Variants in INPP5E observed in about 807,000 individuals in gnomAD.
INPP5E encodes inositol polyphosphate-5-phosphatase E, also known as phosphatidylinositol polyphosphate 5-phosphatase type IV.
Under a neutral mutation model 50.5 loss-of-function variants are expected in INPP5E, and 34 were observed. The ratio of observed to expected loss-of-function variants is 0.67; its 90% confidence interval spans 0.51 to 0.90. The LOEUF is 0.90. Among genes scored for constraint, INPP5E ranks in the 40% least tolerant of loss-of-function variants. INPP5E has a pLI of 0.00. For synonymous variants in INPP5E, 447 were observed against 406.0 expected (o/e 1.10, Z -1.21); for missense variants, 942 against 905.5 (o/e 1.04, Z -0.52).
In INPP5E at chr9:136,431,842, T is replaced by G. The variant is rs1039047946; in HGVS notation, c.1531A>C (p.Ile511Leu). The stretch of plus-strand genomic sequence containing the variant: ...CCCTCACCTTTCCGCATCTCCCGGA[T>G]GAGCTGGTCGTGCTGCAGCAGCGCC... ...VPALLQHDQL[I>L]REMRKGSIFK... Residue 511 changes from isoleucine (I) to leucine (L), a missense_variant, in exon 7 of 10, where the codon ATC (isoleucine) becomes CTC (leucine). Transcript: ENST00000371712. 3 of 1,600,550 alleles carry G rather than the reference T, an allele frequency of 1.9e-6. No homozygotes were observed. In the African/African-American group the frequency reaches 4.2e-5, roughly 22 times the overall value.
At chr9:136,429,940 C>G (rs931297186) in intron 9 of INPP5E, 133 bp from the exon 10 acceptor site, 9 of 746,856 alleles carry the variant, frequency 1.2e-5, no homozygotes, top group Non-Finnish European at 1.8e-5. Context: ...TAGGTGGGCA[C>G]TGGCCCAGAT....
Position 136,439,044 on chromosome 9 carries a change from G to T in INPP5E, c.376C>A (p.His126Asn). 6.3e-7 allele frequency: 1 copy of T among 1,576,660 alleles called. No individual in the cohort carries two copies. Among genetic ancestry groups the T allele is most frequent in the East Asian group, 2.3e-5 (1 of 43,388 alleles). The change falls in exon 1 of 10, where the codon CAC becomes AAC. Residue 126 changes from histidine to asparagine, a missense_variant. Physicochemically the swap from His to Asn is moderately conservative, Grantham distance 68. Coordinates refer to ENST00000371712, the MANE Select transcript of INPP5E (RefSeq NM_019892.6). ...CTCAGGCAGGGCGGGGAGCAGCTGT[G>T]GGCGGGGGCCCCGGGGCCCTCGCTC... ...VQSEGPGAPAHSCSPPCLSTS... is the reference protein window; with the variant it reads ...VQSEGPGAPANSCSPPCLSTS...
In INPP5E at chr9:136,432,474, C is replaced by G. The variant is rs2131607798; in HGVS notation, c.1387+5G>C. ...ACCACCCACACGCAGCGTGGACGCCCTCACCTGCGCTGGAGCGATAGGGGT... is the reference window on the plus strand; with the variant it reads ...ACCACCCACACGCAGCGTGGACGCCGTCACCTGCGCTGGAGCGATAGGGGT... On this transcript the variant is annotated splice_donor_5th_base_variant and intron_variant, in intron 6 of 9. Coordinates refer to ENST00000371712, the MANE Select transcript of INPP5E (RefSeq NM_019892.6). 6.5e-7 allele frequency: 1 copy of G among 1,543,204 alleles called. No homozygotes were observed. Among genetic ancestry groups the G allele is most frequent in the Non-Finnish European group, 8.8e-7 (1 of 1,140,550 alleles).
chr9:136,438,256 CAGAG>C (rs889769989), intron 1 of INPP5E: 2 of 332,462 alleles, frequency 6.0e-6, no homozygotes, highest in African/African-American at 2.1e-5. Flanking sequence ...GCCTGGGCGA[CAGAG>C]AGAGTAACAA....
In INPP5E at chr9:136,439,052, G is replaced by A. The variant is rs769176351; in HGVS notation, c.368C>T (p.Ala123Val). Residue 123 changes from alanine to valine, a missense_variant, in exon 1 of 10, where the codon GCC becomes GTC. Coordinates refer to ENST00000371712, the MANE Select transcript of INPP5E (RefSeq NM_019892.6). Reference protein sequence around the residue: ...RGSVQSEGPGAPAHSCSPPCL... With the variant: ...RGSVQSEGPGVPAHSCSPPCL... The stretch of plus-strand genomic sequence containing the variant: ...GGGCGGGGAGCAGCTGTGGGCGGGG[G>A]CCCCGGGGCCCTCGCTCTGCACTGA... 12 of 1,569,486 alleles carry A rather than the reference G, an allele frequency of 7.6e-6. No homozygotes were observed. The Admixed American group carries it at 9.4e-5, about 12-fold the overall frequency.
Position 136,439,811 on chromosome 9 carries a change from A to C in INPP5E, c.-392T>G, listed in dbSNP as rs1835969094. On this transcript the variant is annotated 5_prime_UTR_variant, in exon 1 of 10. Coordinates refer to ENST00000371712, the MANE Select transcript of INPP5E (RefSeq NM_019892.6). The stretch of plus-strand genomic sequence containing the variant: ...CGGAGGCCCGGCCGCCCAGAAGCGG[A>C]GTCAGCCCGGCCGGGACCCAGCAAC... The C allele has an allele frequency of 6.4e-6, 1 of 156,480 alleles. No homozygotes were observed. Among genetic ancestry groups the C allele is most frequent in the African/African-American group, 2.4e-5 (1 of 41,462 alleles). 9.7% of individuals were successfully genotyped at this position (156,480 alleles called of 1,614,324 possible).
chr9:136,429,950 T>A (rs540871489), intron 9 of INPP5E, 143 bp from the exon 10 acceptor site: 3 of 722,150 alleles, frequency 4.2e-6, no homozygotes, highest in Middle Eastern at 3.7e-4. Flanking sequence ...CTGGCCCAGA[T>A]TGGCCCTGCC....
Position 136,438,798 on chromosome 9 carries a change from T to C in INPP5E, c.622A>G (p.Thr208Ala), listed in dbSNP as rs1373822065. 2 of 1,612,110 alleles carry C rather than the reference T, an allele frequency of 1.2e-6. No individual in the cohort carries two copies. Among genetic ancestry groups the C allele is most frequent in the African/African-American group, 1.3e-5 (1 of 74,990 alleles). ...SLDIASDSLRTANKVDSDLAD... is the reference protein window; with the variant it reads ...SLDIASDSLRAANKVDSDLAD... ...AGATCCGAGTCGACCTTGTTTGCTG[T>C]CCTCAGGGAGTCGGAGGCGATGTCC... is the stretch of plus-strand genomic sequence containing the variant. Residue 208 changes from threonine to alanine, a missense_variant, in exon 1 of 10, where the codon ACA becomes GCA. Transcript: ENST00000371712.
chr9:136,438,859 G>GCTGGGCAGC lies in INPP5E; in HGVS notation c.552_560dup (p.Arg184_Pro186dup), dbSNP rs1564437101. On this transcript the variant is annotated inframe_insertion, in exon 1 of 10. Transcript: ENST00000371712. ...CAGGCGGTGGGCGCGGGGGCAGCAGGCTGGGCAGCCTGGGCGAGCTCCCCG... is the reference window on the plus strand; with the variant it reads ...CAGGCGGTGGGCGCGGGGGCAGCAGGCTGGGCAGCCTGGGCAGCCTGGGCGAGCTCCCCG... 1 of 1,600,216 alleles carries GCTGGGCAGC rather than the reference G, an allele frequency of 6.2e-7. No homozygotes were observed. The highest frequency in any genetic ancestry group is 8.5e-7 in the Non-Finnish European group (1 of 1,173,956).
rs886038651 is a variant in INPP5E at position 136,432,597 on chromosome 9, A to G, written c.1280-11T>C. ...CCTTCCCGTCACCTGCTGTGGGAAC[A>G]GAAATGGGGTAGGGACCACAGGGTT... On this transcript the variant is annotated splice_polypyrimidine_tract_variant and intron_variant, in intron 5 of 9. Coordinates refer to ENST00000371712, the MANE Select transcript of INPP5E (RefSeq NM_019892.6). The G allele has an allele frequency of 6.6e-7, 1 of 1,509,720 alleles. No individual in the cohort carries two copies. The highest frequency in any genetic ancestry group is 9.0e-7 in the Non-Finnish European group (1 of 1,111,348). 93.5% of individuals were successfully genotyped at this position (1,509,720 alleles called of 1,614,324 possible). A position where few individuals can be genotyped will look rare whatever the true frequency, so the allele number is the denominator to read the frequency against.
intron 6 of INPP5E, 127 bp downstream of exon 6, chr9:136,432,352 C>A (rs1442853564): frequency 1.4e-6 from 1 of 720,626 alleles, no homozygotes; most frequent in Non-Finnish European, 2.5e-6. Flanking sequence ...GCGCTGGGGG[C>A]ACTGGACGTT....
chr9:136,434,709 T>TGC, intron 2 of INPP5E, 31 bp downstream of exon 2: 8 of 1,576,244 alleles, frequency 5.1e-6, no homozygotes, highest in East Asian at 2.3e-5. Context: ...ACCCCACCCT[T>TGC]CCCCGCCCAG....
Position 136,439,699 on chromosome 9 carries a change from C to A in INPP5E, c.-280G>T. ...GGCGCCTGTCGCGGGGGAGGTTCGA[C>A]CCCGACGGGGACGCCGCTCGGGGAG... On this transcript the variant is annotated 5_prime_UTR_variant, in exon 1 of 10. Coordinates refer to ENST00000371712, the MANE Select transcript of INPP5E (RefSeq NM_019892.6). The A allele has an allele frequency of 3.2e-6, 1 of 310,830 alleles. No homozygotes were observed. The highest frequency in any genetic ancestry group is 5.9e-6 in the Non-Finnish European group (1 of 170,042). The allele number at this position is 310,830 out of a possible 1,614,324, so 19.3% of individuals were successfully genotyped here. A position where few individuals can be genotyped will look rare whatever the true frequency, so the allele number is the denominator to read the frequency against.
chr9:136,434,651 T>A, intron 2 of INPP5E, 89 bp downstream of exon 2: 7 of 1,512,876 alleles, frequency 4.6e-6, no homozygotes, highest in Non-Finnish European at 6.3e-6. Context: ...GGCCCCAGGA[T>A]GAGGCACAGA....
chr9:136,429,819 G>C lies in INPP5E; in HGVS notation c.1803-12C>G, dbSNP rs775863954. 25 of 1,612,514 alleles carry C rather than the reference G, an allele frequency of 1.6e-5. No individual in the cohort carries two copies. The East Asian group carries it at 5.6e-4, about 36-fold the overall frequency. On this transcript the variant is annotated splice_polypyrimidine_tract_variant and intron_variant, in intron 9 of 9. Coordinates refer to ENST00000371712, the MANE Select transcript of INPP5E (RefSeq NM_019892.6). ...CTGCCAACGGAATGCTGTGGAGGAGGAGGGGGCGTTAGGAGGGCACCCAGG... is the reference window on the plus strand; with the variant it reads ...CTGCCAACGGAATGCTGTGGAGGAGCAGGGGGCGTTAGGAGGGCACCCAGG...
rs1210639291 is a variant in INPP5E, at chr9:136,430,183, A to G, written c.1802+94T>C. 5.4e-6 allele frequency: 8 copies of G among 1,487,062 alleles called. No homozygotes were observed. The East Asian group carries it at 7.4e-5, about 14-fold the overall frequency. 92.1% of individuals were successfully genotyped at this position (1,487,062 alleles called of 1,614,324 possible). A position where few individuals can be genotyped will look rare whatever the true frequency, so the allele number is the denominator to read the frequency against. ...CTGAAGGTCCCAGAACAAAGCCCCA[A>G]GTGGAACCCCACGATGACAGGGACC... On this transcript the variant is annotated intron_variant, in intron 9 of 9. Coordinates refer to ENST00000371712, the MANE Select transcript of INPP5E (RefSeq NM_019892.6).
rs749895686 is a variant in INPP5E at position 136,432,954 on chromosome 9, A to G, written c.1279+2T>C. On this transcript the variant is annotated splice_donor_variant, in intron 5 of 9. Transcript: ENST00000371712. LOFTEE classifies it high-confidence loss of function. ...CTGCGGTGCGGGCACCAAGCAACTT[A>G]CAGGTGAAGTGGGACGTGATGAAGA... is the stretch of plus-strand genomic sequence containing the variant. 1 of 1,612,762 alleles carries G rather than the reference A, an allele frequency of 6.2e-7. No homozygotes were observed. Among genetic ancestry groups the G allele is most frequent in the East Asian group, 2.2e-5 (1 of 44,856 alleles).
rs770801327 is a variant in INPP5E at position 136,431,864 on chromosome 9, C to T, written c.1509G>A (p.Ala503=). Residue 503 remains alanine (A), a synonymous_variant, in exon 7 of 10, where the codon GCG becomes GCA. Coordinates refer to ENST00000371712, the MANE Select transcript of INPP5E (RefSeq NM_019892.6). ...LCQGLVVDVP[A]LLQHDQLIRE... ...GGATGAGCTGGTCGTGCTGCAGCAGCGCCGGCACGTCCACCACCAGGCCCT... is the reference window on the plus strand; with the variant it reads ...GGATGAGCTGGTCGTGCTGCAGCAGTGCCGGCACGTCCACCACCAGGCCCT... 25 of 1,609,302 alleles carry T rather than the reference C, an allele frequency of 1.6e-5. No individual in the cohort carries two copies. Among genetic ancestry groups the T allele is most frequent in the African/African-American group, 6.8e-5 (5 of 73,666 alleles).
At position 136,428,776 on chromosome 9, in the gene INPP5E, T is replaced by A. The variant is rs954352514; in HGVS notation, c.*899A>T. ...AGCAAGAATGAACGGTTCTATACTC[T>A]CGAAGAAAGAAACCCGGGACATGGT... On this transcript the variant is annotated 3_prime_UTR_variant, in exon 10 of 10. Coordinates refer to ENST00000371712, the MANE Select transcript of INPP5E (RefSeq NM_019892.6). 2.0e-5 allele frequency: 3 copies of A among 152,506 alleles called. No individual in the cohort carries two copies. In the South Asian group the frequency reaches 6.2e-4, roughly 32 times the overall value. 9.4% of individuals were successfully genotyped at this position (152,506 alleles called of 1,614,324 possible). A position where few individuals can be genotyped will look rare whatever the true frequency, so the allele number is the denominator to read the frequency against.
Sources: gnomAD v4.1 joint callset for allele counts on GRCh38, gnomAD v4.1.1 for gene constraint, MANE v1.5 for transcripts, NCBI Gene and HGNC (gene_info 2026-07-23, HGNC 2026-07-21) for gene names.